CEMIP2: variants seen among roughly 807,000 people sequenced by gnomAD.
CEMIP2 encodes the protein cell migration inducing hyaluronidase 2.
CEMIP2 carries 79 observed loss-of-function variants against 146.9 expected under a neutral mutation model. That is an observed-to-expected ratio of 0.54 (90% CI 0.45 to 0.65). The LOEUF is 0.65. Ranked by LOEUF, CEMIP2 falls within the 30% of genes least tolerant of loss-of-function variation. CEMIP2 has a pLI of 0.00. For synonymous variants in CEMIP2, 601 were observed against 606.3 expected (o/e 0.99, Z 0.13); for missense variants, 1,596 against 1,696.2 (o/e 0.94, Z 1.04).
At chr9:71,763,806 T>C (rs887838932) in intron 1 of CEMIP2, among the ~76,000 whole-genome samples, 3 of 152,266 alleles carry the variant, frequency 2.0e-5, no homozygotes, top group Admixed American at 6.5e-5. Context: ...TTTTAAGACA[T>C]ACAGTTTATG....
chr9:71,740,147 C>T lies in CEMIP2; in HGVS notation c.1120G>A (p.Gly374Ser), dbSNP rs1823873471. ...SVRNYENHSSGGKALAQREFY... is the reference protein window; with the variant it reads ...SVRNYENHSSSGKALAQREFY... ...TCTCTTTGGGCAAGAGCCTTCCCGC[C>T]ACTGCTATGATTTTCATAGTTTCTC... Residue 374 changes from glycine (G) to serine (S), a missense_variant, in exon 5 of 24, where the codon GGC (glycine) becomes AGC (serine). Physicochemically the swap from Gly to Ser is moderately conservative, Grantham distance 56. Coordinates refer to ENST00000377044, the MANE Select transcript of CEMIP2 (RefSeq NM_013390.3). 2 of 1,613,984 alleles carry T rather than the reference C, an allele frequency of 1.2e-6. No individual in the cohort carries two copies. The highest frequency in any genetic ancestry group is 1.1e-5 in the South Asian group (1 of 91,082).
intron 11 of CEMIP2, among the ~76,000 whole-genome samples, chr9:71,725,065 C>G (rs529228019): frequency 2.0e-5 from 3 of 149,046 alleles, no homozygotes; most frequent in Non-Finnish European, 4.5e-5. Flanking sequence ...ATGGAATGCT[C>G]TCTATATATC....
intron 18 of CEMIP2, 68 bp from the exon 19 acceptor site, chr9:71,700,892 T>G: frequency 7.3e-7 from 1 of 1,362,210 alleles, no homozygotes; most frequent in South Asian, 1.5e-5. Flanking sequence ...CTATAGCGTA[T>G]GCAGATAACT....
chr9:71,732,360 T>C lies in CEMIP2; in HGVS notation c.1554A>G (p.Gly518=). Residue 518 remains glycine, a synonymous_variant, in exon 7 of 24, where the codon GGA becomes GGG. Coordinates refer to ENST00000377044, the MANE Select transcript of CEMIP2 (RefSeq NM_013390.3). ...CQFFDYDTFG[G]HIMIMKNFTS... ...AAATCCTTTTGCCTACCATAATGTG[T>C]CCCCCAAAGGTATCATAATCAAAAA... 6.2e-7 allele frequency: 1 copy of C among 1,608,426 alleles called. No individual in the cohort carries two copies. Among genetic ancestry groups the C allele is most frequent in the Non-Finnish European group, 8.5e-7 (1 of 1,178,372 alleles).
intron 20 of CEMIP2, among the ~76,000 whole-genome samples, chr9:71,695,553 A>G (rs1822372810): frequency 6.6e-6 from 1 of 152,102 alleles, no homozygotes; most frequent in Non-Finnish European, 1.5e-5. Flanking sequence ...ACACATCTGT[A>G]GTTCCAGCTA....
At chr9:71,759,813 G>C (rs1161473731) in intron 1 of CEMIP2, among the ~76,000 whole-genome samples, 1 of 149,796 alleles carries the variant, frequency 6.7e-6, no homozygotes, top group Non-Finnish European at 1.5e-5. Flanking sequence ...CTCCTTGTTG[G>C]GGGGTACGGG....
chr9:71,707,526 C>T (rs1210020589), intron 17 of CEMIP2, among the ~76,000 whole-genome samples: 1 of 152,070 alleles, frequency 6.6e-6, no homozygotes, highest in Admixed American at 6.5e-5. Context: ...CTTTAATTGT[C>T]GTAATTCAAA....
Position 71,722,598 on chromosome 9 carries a change from T to C in CEMIP2, c.2179-83A>G, listed in dbSNP as rs1201314397. 8 of 1,149,582 alleles carry C rather than the reference T, an allele frequency of 7.0e-6. No homozygotes were observed. In the East Asian group the frequency reaches 2.0e-4, roughly 29 times the overall value. The allele number at this position is 1,149,582 out of a possible 1,614,324, so 71.2% of individuals were successfully genotyped here. A position where few individuals can be genotyped will look rare whatever the true frequency, so the allele number is the denominator to read the frequency against. ...TACAATGATTCATGAAAATAGATTTTAGCTTATCACTTCTACCAAAAAAAG... is the reference window on the plus strand; with the variant it reads ...TACAATGATTCATGAAAATAGATTTCAGCTTATCACTTCTACCAAAAAAAG... On this transcript the variant is annotated intron_variant, in intron 11 of 23. Transcript: ENST00000377044.
rs148774002 is a variant in CEMIP2, at chr9:71,693,171, G to A, written c.3696+1338C>T. On this transcript the variant is annotated intron_variant, in intron 21 of 23. Transcript: ENST00000377044. ...AAAATTTAATTTTCTCCACATATATGTGGATTTGTGATTATGTTGCCCACC... is the reference window on the plus strand; with the variant it reads ...AAAATTTAATTTTCTCCACATATATATGGATTTGTGATTATGTTGCCCACC... Among the ~76,000 whole-genome samples, 24 of 152,308 alleles carry A rather than the reference G, an allele frequency of 1.6e-4. No individual in the cohort carries two copies. In the East Asian group the frequency reaches 3.5e-3, roughly 22 times the overall value.
intron 4 of CEMIP2, among the ~76,000 whole-genome samples, chr9:71,743,462 G>T (rs927503932): frequency 1.3e-5 from 2 of 152,158 alleles, no homozygotes; most frequent in African/African-American, 4.8e-5. Flanking sequence ...ACCCTTTGAG[G>T]TTTTGCACAT....
At position 71,745,685 on chromosome 9, in the gene CEMIP2, A is replaced by G. The variant is rs144758320; in HGVS notation, c.473-106T>C. The G allele has an allele frequency of 7.0e-4, 809 of 1,159,174 alleles. 3 individuals are homozygous for G. The African/African-American group carries it at 0.011, about 16-fold the overall frequency. 71.8% of individuals were successfully genotyped at this position (1,159,174 alleles called of 1,614,324 possible). A position where few individuals can be genotyped will look rare whatever the true frequency, so the allele number is the denominator to read the frequency against. ...ATACACTTCCGCAATTAGGTCGGAA[A>G]AAAGAATTCGCTAAGAATCTGCTTA... is the stretch of plus-strand genomic sequence containing the variant. On this transcript the variant is annotated intron_variant, in intron 3 of 23. Coordinates refer to ENST00000377044, the MANE Select transcript of CEMIP2 (RefSeq NM_013390.3).
intron 1 of CEMIP2, among the ~76,000 whole-genome samples, chr9:71,755,918 C>G (rs1824421501): frequency 7.3e-6 from 1 of 137,832 alleles, no homozygotes; most frequent in South Asian, 2.3e-4. Flanking sequence ...ACTGACTGCA[C>G]CACTGTACTC....
intron 4 of CEMIP2, among the ~76,000 whole-genome samples, chr9:71,742,124 T>C (rs1486859058): frequency 6.6e-6 from 1 of 152,248 alleles, no homozygotes; most frequent in Non-Finnish European, 1.5e-5. Context: ...ATGTAATCTG[T>C]GTCTGACAGA....
intron 12 of CEMIP2, among the ~76,000 whole-genome samples, chr9:71,722,148 A>G (rs1174579609): frequency 1.3e-5 from 2 of 152,172 alleles, no homozygotes; most frequent in African/African-American, 4.8e-5. Context: ...TTCTCAACAT[A>G]TCTCCTCTTT....
At chr9:71,738,984 G>T (rs1250244621) in intron 5 of CEMIP2, among the ~76,000 whole-genome samples, 1 of 152,090 alleles carries the variant, frequency 6.6e-6, no homozygotes, top group Non-Finnish European at 1.5e-5. Flanking sequence ...GGCTTTAAAA[G>T]AAAATCCTGT....
At chr9:71,726,241 C>G (rs963435745) in intron 10 of CEMIP2, among the ~76,000 whole-genome samples, 1 of 152,168 alleles carries the variant, frequency 6.6e-6, no homozygotes, top group Non-Finnish European at 1.5e-5. Flanking sequence ...AATCAGGATA[C>G]TGTCTCAGGC....
intron 1 of CEMIP2, among the ~76,000 whole-genome samples, chr9:71,755,916 C>T (rs539978614): frequency 7.3e-6 from 1 of 136,376 alleles, no homozygotes; most frequent in African/African-American, 2.8e-5. Context: ...AAACTGACTG[C>T]ACCACTGTAC....
intron 18 of CEMIP2, 21 bp from the exon 19 acceptor site, chr9:71,700,845 A>C: frequency 6.3e-7 from 1 of 1,590,840 alleles, no homozygotes; most frequent in Non-Finnish European, 8.5e-7. Flanking sequence ...GAAACATAAA[A>C]AAATTAGTTT....
Position 71,737,930 on chromosome 9 carries a change from T to C in CEMIP2, c.1204+2133A>G, listed in dbSNP as rs1008275237. On this transcript the variant is annotated intron_variant, in intron 5 of 23. Coordinates refer to ENST00000377044, the MANE Select transcript of CEMIP2 (RefSeq NM_013390.3). ...ATCCCACATGCATAATACCCATTCATCAAAACAACCGTGAGAGACAGGAGC... is the reference window on the plus strand; with the variant it reads ...ATCCCACATGCATAATACCCATTCACCAAAACAACCGTGAGAGACAGGAGC... Among the ~76,000 whole-genome samples the C allele has an allele frequency of 3.9e-5, 6 of 152,128 alleles. No individual in the cohort carries two copies. In the South Asian group the frequency reaches 8.3e-4, roughly 21 times the overall value.
Sources: allele counts gnomAD v4.1 joint callset (sites outside exome capture counted in the v4.1 genomes callset), GRCh38; gene constraint gnomAD v4.1.1; transcripts MANE v1.5; gene names NCBI Gene and HGNC (gene_info 2026-07-23, HGNC 2026-07-21).